SUGCT: variants seen among roughly 807,000 people sequenced by gnomAD.
The protein encoded by SUGCT is succinyl-CoA:glutarate-CoA transferase, also known as succinyl-CoA:glutarate CoA-transferase.
A neutral mutation model predicts 55.0 loss-of-function variants in SUGCT; 41 were observed. The observed-to-expected ratio is 0.74, with a 90% CI of 0.58 to 0.97. SUGCT has a LOEUF of 0.97. Among genes scored for constraint, SUGCT ranks in the 50% least tolerant of loss-of-function variants. SUGCT has a pLI of 0.00. For missense variants in SUGCT, 568 were observed against 547.8 expected, an observed-to-expected ratio of 1.04 and a Z score of -0.37; for synonymous variants, 187 against 200.4, an observed-to-expected ratio of 0.93 and a Z score of 0.56.
At chr7:41,036,417 C>T in the SUGCT span, among the ~76,000 whole-genome samples, 1 of 152,084 alleles carries the variant, frequency 6.6e-6, no homozygotes, top group African/African-American at 2.4e-5. Context: ...GGTCTGACAC[C>T]AACTGGTTGG....
chr7:40,223,593 T>A (rs1330370102), intron 6 of SUGCT, among the ~76,000 whole-genome samples: 1 of 152,220 alleles, frequency 6.6e-6, no homozygotes, highest in East Asian at 1.9e-4. Context: ...TATTCTTTTC[T>A]GCTCTGGGAT....
chr7:40,965,038 C>T, the SUGCT span: 1 of 152,232 alleles, frequency 6.6e-6, no homozygotes, highest in Non-Finnish European at 1.5e-5. Flanking sequence ...TACAAATTGC[C>T]TAAACTGGAT....
intron 12 of SUGCT, among the ~76,000 whole-genome samples, chr7:40,727,285 T>C (rs770485424): frequency 2.6e-5 from 4 of 152,352 alleles, no homozygotes; most frequent in Non-Finnish European, 4.4e-5. Context: ...GGTATACAAA[T>C]TCACTTTTGC....
At chr7:40,423,342 T>C (rs1040226585) in intron 9 of SUGCT, among the ~76,000 whole-genome samples, 1 of 152,132 alleles carries the variant, frequency 6.6e-6, no homozygotes, top group African/African-American at 2.4e-5. Flanking sequence ...ACTAAGAAAG[T>C]ACATGTCAAA....
intron 12 of SUGCT, among the ~76,000 whole-genome samples, chr7:40,561,631 A>G (rs1338864974): frequency 1.3e-5 from 2 of 150,556 alleles, no homozygotes; most frequent in Non-Finnish European, 3.0e-5. Flanking sequence ...AGCACAACAG[A>G]CCTGTGGGGA....
intron 12 of SUGCT, among the ~76,000 whole-genome samples, chr7:40,605,948 A>G (rs1798512345): frequency 6.6e-6 from 1 of 152,130 alleles, no homozygotes; most frequent in South Asian, 2.1e-4. Flanking sequence ...GGTAGGTTAC[A>G]ATCAGTTTGT....
the SUGCT span, among the ~76,000 whole-genome samples, chr7:40,999,366 C>G: frequency 6.6e-6 from 1 of 152,082 alleles, no homozygotes; most frequent in African/African-American, 2.4e-5. Context: ...ATGCCTGGTA[C>G]ATCGATGGAC....
At chr7:40,574,894 C>T (rs1796642544) in intron 12 of SUGCT, among the ~76,000 whole-genome samples, 1 of 152,132 alleles carries the variant, frequency 6.6e-6, no homozygotes, top group African/African-American at 2.4e-5. Flanking sequence ...TTAGGTTGGC[C>T]TAACTGATGT....
At chr7:40,690,957 C>T (rs1283892393) in intron 12 of SUGCT, among the ~76,000 whole-genome samples, 1 of 152,192 alleles carries the variant, frequency 6.6e-6, no homozygotes, top group Non-Finnish European at 1.5e-5. Flanking sequence ...CCCTCAAGGT[C>T]TGGTTCTTCT....
Position 40,621,202 on chromosome 7 carries a change from TA to T in SUGCT, c.1089+124819del, listed in dbSNP as rs1267703045. On this transcript the variant is annotated intron_variant, in intron 12 of 13. Coordinates refer to ENST00000335693, the MANE Select transcript of SUGCT (RefSeq NM_001193313.2). ...TTTATTATTGTAGCAGGTTGAGGAA[TA>T]AATGGGAAGTCAGAAATTGAAGATA... Among the ~76,000 whole-genome samples, 5 of 152,128 alleles carry T rather than the reference TA, an allele frequency of 3.3e-5. No individual in the cohort carries two copies. In the East Asian group the frequency reaches 9.6e-4, roughly 29 times the overall value.
intron 12 of SUGCT, among the ~76,000 whole-genome samples, chr7:40,565,603 C>T (rs1796085458): frequency 6.6e-6 from 1 of 152,118 alleles, no homozygotes. Flanking sequence ...CGATGATCAT[C>T]GTGACCCTGT....
chr7:40,534,556 T>G (rs1030679259), intron 12 of SUGCT, among the ~76,000 whole-genome samples: 1 of 152,110 alleles, frequency 6.6e-6, no homozygotes, highest in Non-Finnish European at 1.5e-5. Context: ...GTAGCTGGGT[T>G]TACAGGCATG....
chr7:40,992,658 T>C, the SUGCT span, among the ~76,000 whole-genome samples: 15,682 of 151,960 alleles, frequency 0.1, 902 homozygotes, highest in South Asian at 0.21. Context: ...CCATAGGAGG[T>C]ATGTATGAAG....
the SUGCT span, among the ~76,000 whole-genome samples, chr7:41,012,853 T>C: frequency 6.6e-6 from 1 of 152,094 alleles, no homozygotes; most frequent in South Asian, 2.1e-4. Context: ...AATCTCAGAA[T>C]CTATGATGAA....
rs181734161 is a variant in SUGCT at position 40,660,320 on chromosome 7, A to G, written c.1090-89114A>G. On this transcript the variant is annotated intron_variant, in intron 12 of 13. Coordinates refer to ENST00000335693, the MANE Select transcript of SUGCT (RefSeq NM_001193313.2). The stretch of plus-strand genomic sequence containing the variant: ...GTCACCCAGGCTGGAGTGCAGTGGC[A>G]TGATCTCGGCTCGCTGCAACCTCTG... 2.8e-3 allele frequency among the ~76,000 whole-genome samples: 428 copies of G among 152,214 alleles called. 1 individual carries two copies. Among genetic ancestry groups the G allele is most frequent in the African/African-American group, 9.6e-3 (397 of 41,544 alleles).
intron 12 of SUGCT, among the ~76,000 whole-genome samples, chr7:40,519,612 A>T (rs768145632): frequency 7.2e-5 from 11 of 152,060 alleles, no homozygotes; most frequent in Non-Finnish European, 1.5e-4. Context: ...TTTTGACATT[A>T]TATGTCTGAA....
chr7:40,820,290 A>G (rs1453469606), intron 13 of SUGCT, among the ~76,000 whole-genome samples: 1 of 152,052 alleles, frequency 6.6e-6, no homozygotes, highest in Admixed American at 6.6e-5. Flanking sequence ...GTTTTTTTCC[A>G]ATTCTGTGAA....
intron 9 of SUGCT, among the ~76,000 whole-genome samples, chr7:40,369,016 A>G (rs1050353800): frequency 6.6e-6 from 1 of 152,158 alleles, no homozygotes; most frequent in African/African-American, 2.4e-5. Context: ...AGGCAGAAGA[A>G]TAGCTTGAAC....
At chr7:40,456,578 T>C (rs1183970750) in intron 10 of SUGCT, among the ~76,000 whole-genome samples, 2 of 151,776 alleles carry the variant, frequency 1.3e-5, no homozygotes, top group Non-Finnish European at 2.9e-5. Context: ...ATAAATATTA[T>C]GGGAAAAAGT....
Sources: gnomAD v4.1 joint callset for allele counts (sites outside exome capture counted in the v4.1 genomes callset) on GRCh38, gnomAD v4.1.1 for gene constraint, MANE v1.5 for transcripts, NCBI Gene and HGNC (gene_info 2026-07-23, HGNC 2026-07-21) for gene names.